ARK2C: variants seen among roughly 807,000 people sequenced by gnomAD.
The protein encoded by ARK2C is arkadia (RNF111) C-terminal like ring finger ubiquitin ligase 2C, also known as E3 ubiquitin-protein ligase ARK2C.
the ARK2C span, among the ~76,000 whole-genome samples, chr18:46,339,620 CA>C: frequency 6.6e-6 from 1 of 152,234 alleles, no homozygotes; most frequent in African/African-American, 2.4e-5. Context: ...CCCATCAGTT[CA>C]GTGAATCCTA....
the ARK2C span, among the ~76,000 whole-genome samples, chr18:46,413,511 C>T: frequency 2.0e-5 from 3 of 152,084 alleles, no homozygotes; most frequent in African/African-American, 7.2e-5. Context: ...ATTAGCCCTG[C>T]GACCTGGACT....
At chr18:46,436,887 C>T in the ARK2C span, among the ~76,000 whole-genome samples, 2 of 152,182 alleles carry the variant, frequency 1.3e-5, no homozygotes, top group African/African-American at 4.8e-5. Context: ...ACACGGAGTA[C>T]TCAGGGCCCT....
At chr18:46,396,967 A>G in the ARK2C span, among the ~76,000 whole-genome samples, 6 of 152,204 alleles carry the variant, frequency 3.9e-5, no homozygotes, top group Non-Finnish European at 8.8e-5. Context: ...TGCAAGCCCA[A>G]TCGCTCTGGA....
the ARK2C span, among the ~76,000 whole-genome samples, chr18:46,397,366 G>A: frequency 7.2e-5 from 11 of 152,120 alleles, no homozygotes; most frequent in Admixed American, 3.9e-4. Context: ...AACAGGGAAG[G>A]GTGCCTGTGT....
At chr18:46,398,141 G>C in the ARK2C span, among the ~76,000 whole-genome samples, 5 of 150,174 alleles carry the variant, frequency 3.3e-5, no homozygotes, top group East Asian at 9.9e-4. Context: ...GAAGGTGTGT[G>C]TGTGGCCATG....
At chr18:46,380,917 TAC>T in the ARK2C span, among the ~76,000 whole-genome samples, 2 of 152,170 alleles carry the variant, frequency 1.3e-5, no homozygotes, top group Non-Finnish European at 2.9e-5. Flanking sequence ...AGAGGAAGGC[TAC>T]ACAGAGAGCA....
chr18:46,383,364 G>A, the ARK2C span, among the ~76,000 whole-genome samples: 1 of 152,136 alleles, frequency 6.6e-6, no homozygotes, highest in Non-Finnish European at 1.5e-5. Context: ...CACCTGGTTC[G>A]AAAGGGGATG....
chr18:46,365,538 C>A, the ARK2C span, among the ~76,000 whole-genome samples: 1 of 152,164 alleles, frequency 6.6e-6, no homozygotes. Context: ...AAGGCTTGCT[C>A]TGTCGCCCAG....
chr18:46,396,021 T>A, the ARK2C span, among the ~76,000 whole-genome samples: 1 of 152,202 alleles, frequency 6.6e-6, no homozygotes, highest in Non-Finnish European at 1.5e-5. Flanking sequence ...CGTTGTTCTG[T>A]GTGGTCTCTC....
the ARK2C span, among the ~76,000 whole-genome samples, chr18:46,371,937 G>A: frequency 1.3e-5 from 2 of 152,192 alleles, no homozygotes; most frequent in African/African-American, 4.8e-5. Context: ...TCAACTAACA[G>A]CTGTTTATTA....
the ARK2C span, among the ~76,000 whole-genome samples, chr18:46,420,011 G>A: frequency 6.6e-6 from 1 of 152,054 alleles, no homozygotes; most frequent in Non-Finnish European, 1.5e-5. Flanking sequence ...TGCCCCATGA[G>A]CAGTGATGGT....
At chr18:46,387,720 C>T in the ARK2C span, among the ~76,000 whole-genome samples, 3 of 152,260 alleles carry the variant, frequency 2.0e-5, no homozygotes, top group African/African-American at 7.2e-5. Context: ...AAGTCAAACG[C>T]TGGGACGGGA....
At chr18:46,400,478 C>A in the ARK2C span, among the ~76,000 whole-genome samples, 8 of 152,262 alleles carry the variant, frequency 5.3e-5, no homozygotes, top group Non-Finnish European at 1.0e-4. Flanking sequence ...CAGTGGGGAC[C>A]CTCAGTCTGT....
chr18:46,422,610 G>A, the ARK2C span, among the ~76,000 whole-genome samples: 1 of 152,182 alleles, frequency 6.6e-6, no homozygotes, highest in Non-Finnish European at 1.5e-5. Context: ...CCCCCCGACC[G>A]AGGTCCAGCT....
the ARK2C span, among the ~76,000 whole-genome samples, chr18:46,392,699 T>C: frequency 1.0e-3 from 158 of 152,236 alleles, 1 homozygote; most frequent in East Asian, 0.02. Flanking sequence ...TCCTGTGCCT[T>C]GTCAGTCTCT....
chr18:46,446,043 C>T, the ARK2C span, among the ~76,000 whole-genome samples: 1 of 152,092 alleles, frequency 6.6e-6, no homozygotes, highest in Admixed American at 6.5e-5. Flanking sequence ...TGGACCTTGG[C>T]ACCAAGATTA....
At chr18:46,387,648 G>A in the ARK2C span, among the ~76,000 whole-genome samples, 38 of 152,388 alleles carry the variant, frequency 2.5e-4, no homozygotes, top group East Asian at 5.8e-4. Context: ...ATACAGACCC[G>A]TGGAGGGTGC....
chr18:46,388,174 A>G, the ARK2C span, among the ~76,000 whole-genome samples: 2 of 152,278 alleles, frequency 1.3e-5, no homozygotes, highest in Non-Finnish European at 1.5e-5. Context: ...ACATAGTAAG[A>G]TGGCATTTTC....
At chr18:46,446,189 T>C in the ARK2C span, among the ~76,000 whole-genome samples, 3 of 152,240 alleles carry the variant, frequency 2.0e-5, no homozygotes, top group African/African-American at 7.2e-5. Flanking sequence ...CAATGATCTT[T>C]GCTTAGATCC....
Sources: allele counts gnomAD v4.1 joint callset (sites outside exome capture counted in the v4.1 genomes callset), GRCh38; gene constraint gnomAD v4.1.1; transcripts MANE v1.5; gene names NCBI Gene and HGNC (gene_info 2026-07-23, HGNC 2026-07-21).